Variants in PLCL1 observed in about 807,000 individuals in gnomAD.
PLCL1 encodes inactive phospholipase C-like protein 1.
In PLCL1, 41 loss-of-function variants were observed where a neutral mutation model predicts 84.4. The observed-to-expected ratio is 0.49, with a 90% CI of 0.38 to 0.63. The LOEUF (loss-of-function observed/expected upper bound fraction) is 0.63, where lower values mean the gene tolerates loss of function less well. Ranked by LOEUF, PLCL1 falls within the 30% of genes least tolerant of loss-of-function variation. The pLI, the probability that PLCL1 is intolerant of heterozygous loss-of-function variation, is 0.00. For synonymous variants in PLCL1, 490 were observed against 488.3 expected (o/e 1.00, Z -0.05); for missense variants, 1,206 against 1,367.8 (o/e 0.88, Z 1.87).
intron 1 of PLCL1, among the ~76,000 whole-genome samples, chr2:198,069,720 A>T (rs1692417850): frequency 1.3e-5 from 2 of 152,196 alleles, no homozygotes; most frequent in South Asian, 4.1e-4. Context: ...TGTAAAAATG[A>T]TTCAGAAAAT....
At chr2:197,890,701 TACACACAC>T (rs372078594) in intron 1 of PLCL1, among the ~76,000 whole-genome samples, 5 of 118,532 alleles carry the variant, frequency 4.2e-5, no homozygotes, top group Non-Finnish European at 5.0e-5. Flanking sequence ...TATATATATA[TACACACAC>T]ACATATACGT....
At chr2:197,917,128 T>C (rs1406362708) in intron 1 of PLCL1, among the ~76,000 whole-genome samples, 1 of 152,216 alleles carries the variant, frequency 6.6e-6, no homozygotes, top group Non-Finnish European at 1.5e-5. Context: ...TATAGTCTTA[T>C]CACACCAGAA....
At chr2:197,902,408 T>A (rs1369512) in intron 1 of PLCL1, among the ~76,000 whole-genome samples, 67,373 of 152,016 alleles carry the variant, frequency 0.44, 15,254 homozygotes, top group Middle Eastern at 0.58. Context: ...TTAGGCAGCA[T>A]GGCAAGTTTG....
rs78730649 is a variant in PLCL1 at position 198,009,511 on chromosome 2, T to C, written c.241-74247T>C. 8.2e-3 allele frequency among the ~76,000 whole-genome samples: 1,244 copies of C among 152,144 alleles called. 7 individuals are homozygous for C. Among genetic ancestry groups the C allele is most frequent in the Non-Finnish European group, 0.014 (933 of 67,920 alleles). On this transcript the variant is annotated intron_variant, in intron 1 of 5. Transcript: ENST00000428675. ...TTTGGTCATATATGCAGTGGTTTATTTCTGGGCTCTCTATTTTACTCCGTT... is the reference window on the plus strand; with the variant it reads ...TTTGGTCATATATGCAGTGGTTTATCTCTGGGCTCTCTATTTTACTCCGTT...
chr2:197,922,779 G>GACCCCCCC (rs1315332087), intron 1 of PLCL1, among the ~76,000 whole-genome samples: 2 of 115,546 alleles, frequency 1.7e-5, no homozygotes, highest in African/African-American at 3.2e-5. Flanking sequence ...GCAGGGGGCT[G>GACCCCCCC]ACCCCCCCAC....
Position 198,149,697 on chromosome 2 carries a change from G to A in PLCL1, c.*2735G>A, listed in dbSNP as rs1694598623. The A allele has an allele frequency of 6.6e-6, 1 of 151,974 alleles. No homozygotes were observed. Among genetic ancestry groups the A allele is most frequent in the Admixed American group, 6.6e-5 (1 of 15,238 alleles). 9.4% of individuals were successfully genotyped at this position (151,974 alleles called of 1,614,324 possible). Reference sequence around the variant, plus strand: ...CAAAATTACCCACTAATAACATTTTGATTTATATCCCTTTAGACACTGTTT... The same window carrying A: ...CAAAATTACCCACTAATAACATTTTAATTTATATCCCTTTAGACACTGTTT... On this transcript the variant is annotated 3_prime_UTR_variant, in exon 6 of 6. Coordinates refer to ENST00000428675, the MANE Select transcript of PLCL1 (RefSeq NM_006226.4).
chr2:198,119,643 C>T lies in PLCL1; in HGVS notation c.3105+15707C>T, dbSNP rs78699378. 2.4e-3 allele frequency among the ~76,000 whole-genome samples: 358 copies of T among 151,996 alleles called. 2 individuals are homozygous for T. Among genetic ancestry groups the T allele is most frequent in the African/African-American group, 8.2e-3 (340 of 41,506 alleles). ...TTCCCTGCTCTTGTCCCTCCATACC[C>T]CTCACCCTCCAATTCTCATCAAAAC... On this transcript the variant is annotated intron_variant, in intron 5 of 5. Coordinates refer to ENST00000428675, the MANE Select transcript of PLCL1 (RefSeq NM_006226.4).
chr2:197,988,390 C>A (rs1403827365), intron 1 of PLCL1, among the ~76,000 whole-genome samples: 1 of 152,160 alleles, frequency 6.6e-6, no homozygotes, highest in Non-Finnish European at 1.5e-5. Flanking sequence ...CTCCTTCCTT[C>A]TCATTCTGTG....
chr2:197,830,983 C>T lies in PLCL1; in HGVS notation c.240+25644C>T, dbSNP rs143590739. 4.8e-3 allele frequency among the ~76,000 whole-genome samples: 733 copies of T among 152,226 alleles called. 6 individuals are homozygous for T. The highest frequency in any genetic ancestry group is 0.016 in the African/African-American group (675 of 41,530). On this transcript the variant is annotated intron_variant, in intron 1 of 5. Coordinates refer to ENST00000428675, the MANE Select transcript of PLCL1 (RefSeq NM_006226.4). ...AGCAAATGCTGAGAGACTTTGTCACCACCAGGCCTGCCTTACTAGAGCTCC... is the reference window on the plus strand; with the variant it reads ...AGCAAATGCTGAGAGACTTTGTCACTACCAGGCCTGCCTTACTAGAGCTCC...
At chr2:198,093,694 C>T (rs1288576920) in intron 3 of PLCL1, among the ~76,000 whole-genome samples, 1 of 150,362 alleles carries the variant, frequency 6.7e-6, no homozygotes, top group East Asian at 2.0e-4. Context: ...AAAATTGTTA[C>T]CACTAAAAAA....
At chr2:197,836,310 A>G (rs927577704) in intron 1 of PLCL1, among the ~76,000 whole-genome samples, 1 of 151,788 alleles carries the variant, frequency 6.6e-6, no homozygotes, top group South Asian at 2.1e-4. Flanking sequence ...AGCCGGGCGT[A>G]GTGGTGGGCG....
At chr2:197,985,317 G>A (rs1459206342) in intron 1 of PLCL1, among the ~76,000 whole-genome samples, 6 of 152,174 alleles carry the variant, frequency 3.9e-5, no homozygotes, top group Non-Finnish European at 7.3e-5. Context: ...TCATTATGTA[G>A]AGCATATTGC....
chr2:198,024,668 C>A (rs181765259), intron 1 of PLCL1, among the ~76,000 whole-genome samples: 4 of 151,258 alleles, frequency 2.6e-5, no homozygotes, highest in Admixed American at 1.3e-4. Context: ...GAGGCTAAGG[C>A]AAGAGAATCG....
chr2:197,985,684 C>A (rs1690205300), intron 1 of PLCL1, among the ~76,000 whole-genome samples: 2 of 152,302 alleles, frequency 1.3e-5, no homozygotes, highest in South Asian at 4.1e-4. Flanking sequence ...TGTTTGCTTT[C>A]ATGCTATCAT....
At chr2:197,875,052 G>A (rs1448445252) in intron 1 of PLCL1, among the ~76,000 whole-genome samples, 4 of 152,084 alleles carry the variant, frequency 2.6e-5, no homozygotes, top group Admixed American at 1.3e-4. Flanking sequence ...TTAGGAGGCC[G>A]AGGTGGGCGG....
intron 1 of PLCL1, among the ~76,000 whole-genome samples, chr2:197,832,707 A>T (rs550647063): frequency 3.6e-4 from 55 of 152,326 alleles, no homozygotes; most frequent in African/African-American, 1.2e-3. Flanking sequence ...AATAAAAGAA[A>T]ATTTCAGGCC....
At chr2:198,122,111 G>T (rs1693882311) in intron 5 of PLCL1, among the ~76,000 whole-genome samples, 2 of 151,998 alleles carry the variant, frequency 1.3e-5, no homozygotes, top group African/African-American at 4.8e-5. Context: ...GCCCATGTTT[G>T]ATTTTTTGTT....
chr2:198,019,253 T>C (rs1691076000), intron 1 of PLCL1, among the ~76,000 whole-genome samples: 1 of 152,074 alleles, frequency 6.6e-6, no homozygotes, highest in Non-Finnish European at 1.5e-5. Context: ...AGACCAAAGG[T>C]AGATAAATCC....
chr2:198,057,649 A>G (rs1422518283), intron 1 of PLCL1, among the ~76,000 whole-genome samples: 1 of 152,220 alleles, frequency 6.6e-6, no homozygotes, highest in Non-Finnish European at 1.5e-5. Flanking sequence ...TACTTATAAA[A>G]ACAAACAGAT....
Sources: allele counts gnomAD v4.1 joint callset (sites outside exome capture counted in the v4.1 genomes callset), GRCh38; gene constraint gnomAD v4.1.1; transcripts MANE v1.5; gene names NCBI Gene and HGNC (gene_info 2026-07-23, HGNC 2026-07-21).